Variants in APOBR observed in about 807,000 individuals in gnomAD.
The protein encoded by APOBR is apolipoprotein B receptor.
In APOBR, 57 loss-of-function variants were observed where a neutral mutation model predicts 88.5. The ratio of observed to expected loss-of-function variants is 0.64; its 90% CI spans 0.52 to 0.80. APOBR has a LOEUF of 0.80. APOBR is among the 30% of genes least tolerant of loss of function. The pLI is 0.00. For missense variants in APOBR, 1,443 were observed against 1,401.6 expected, an observed-to-expected ratio of 1.03 and a Z score of -0.47; for synonymous variants, 588 against 572.7, an observed-to-expected ratio of 1.03 and a Z score of -0.38.
Position 28,496,291 on chromosome 16 carries a change from G to GCTCTCTCT in APOBR, c.1250_1251insCTCTCTCT (p.Arg417SerfsTer4). On this transcript the variant is annotated frameshift_variant, in exon 2 of 4. Transcript: ENST00000564831. LOFTEE classifies it high-confidence loss of function. ...CTAGAGGAGGAGGGGGATGAGGAGA[G>GCTCTCTCT]AGAGGCTGAGGTGAGCCCTTTCCCC... 6.3e-7 allele frequency: 1 copy of GCTCTCTCT among 1,596,134 alleles called. No individual in the cohort carries two copies. Among genetic ancestry groups the GCTCTCTCT allele is most frequent in the Non-Finnish European group, 8.5e-7 (1 of 1,172,022 alleles).
chr16:28,497,004 G>A lies in APOBR; in HGVS notation c.1963G>A (p.Gly655Ser), dbSNP rs1268965241. ...EQREEEETAG[G>S]QTLAAEAEGD... Reference sequence around the variant, plus strand: ...GCGGGAGGAGGAGGAGACTGCGGGAGGCCAGACCCTGGCGGCTGAGGCTGA... The same window carrying A: ...GCGGGAGGAGGAGGAGACTGCGGGAAGCCAGACCCTGGCGGCTGAGGCTGA... Residue 655 changes from glycine (G) to serine (S), a missense_variant, in exon 2 of 4, where the codon GGC (glycine) becomes AGC (serine). Coordinates refer to ENST00000564831, the MANE Select transcript of APOBR (RefSeq NM_018690.4). 4 of 1,573,302 alleles carry A rather than the reference G, an allele frequency of 2.5e-6. No individual in the cohort carries two copies. Among genetic ancestry groups the A allele is most frequent in the Non-Finnish European group, 3.4e-6 (4 of 1,160,010 alleles).
intron 3 of APOBR, 30 bp downstream of exon 3, chr16:28,498,379 G>A: frequency 6.3e-7 from 1 of 1,598,664 alleles, no homozygotes. Context: ...GCTGGGGTGG[G>A]GAAGAGACCG....
Position 28,495,765 on chromosome 16 carries a change from G to A in APOBR, c.724G>A (p.Glu242Lys), listed in dbSNP as rs535892480. 38 of 1,563,342 alleles carry A rather than the reference G, an allele frequency of 2.4e-5. No individual in the cohort carries two copies. The highest frequency in any genetic ancestry group is 1.2e-4 in the Admixed American group (6 of 50,974). Residue 242 changes from glutamate (E) to lysine (K), a missense_variant, in exon 2 of 4, where the codon GAA becomes AAA. Coordinates refer to ENST00000564831, the MANE Select transcript of APOBR (RefSeq NM_018690.4). The part of the protein sequence containing the change: ...DAGETEEPGA[E>K]GAGKGEEVVV... ...AGGGGAAACTGAGGAGCCTGGGGCC[G>A]AAGGGGCTGGGAAAGGAGAAGAGGT...
In APOBR at chr16:28,496,038, G is replaced by A; in HGVS notation, c.997G>A (p.Gly333Arg). 6.3e-7 allele frequency: 1 copy of A among 1,581,330 alleles called. No homozygotes were observed. Among genetic ancestry groups the A allele is most frequent in the Non-Finnish European group, 8.6e-7 (1 of 1,163,732 alleles). The change falls in exon 2 of 4, where the codon GGA (glycine) becomes AGA (arginine). Residue 333 changes from glycine to arginine, a missense_variant. Transcript: ENST00000564831. ...CGGGGAGGAGGCCGGGACAGCCTCGGGAGGGGAGGAGGCCGGGATAGCCTC... is the reference window on the plus strand; with the variant it reads ...CGGGGAGGAGGCCGGGACAGCCTCGAGAGGGGAGGAGGCCGGGATAGCCTC... ...SGGEEAGTAS[G>R]GEEAGIASGG...
In APOBR at chr16:28,495,289, G is replaced by A; in HGVS notation, c.248G>A (p.Gly83Glu). 6.5e-7 allele frequency: 1 copy of A among 1,534,812 alleles called. No individual in the cohort carries two copies. The highest frequency in any genetic ancestry group is 8.8e-7 in the Non-Finnish European group (1 of 1,141,266). The change falls in exon 2 of 4, where the codon GGG (glycine) becomes GAG (glutamate). Residue 83 changes from glycine to glutamate, a missense_variant. Physicochemically the swap from Gly to Glu is moderately conservative, Grantham distance 98. Transcript: ENST00000564831. ...AACGAGGGGGCTGGAAGGCTGAGAG[G>A]GCCTGGAGATGACAGAAGACATGAA... Reference protein sequence around the residue: ...SQNEGAGRLRGPGDDRRHEVG... With the variant: ...SQNEGAGRLREPGDDRRHEVG...
Position 28,497,930 on chromosome 16 carries a change from C to G in APOBR, c.2889C>G (p.Val963=). Reference sequence around the variant, plus strand: ...CTGCAGAAGCTGCGCCGGAGTCAGTCGGGGAAGCCGAGACGGCTGAGGCCA... The same window carrying G: ...CTGCAGAAGCTGCGCCGGAGTCAGTGGGGGAAGCCGAGACGGCTGAGGCCA... The part of the protein sequence containing the change: ...QAPAEAAPES[V]GEAETAEAMG... Residue 963 remains valine, a synonymous_variant, in exon 2 of 4, where the codon GTC becomes GTG. Transcript: ENST00000564831. 4 of 1,613,332 alleles carry G rather than the reference C, an allele frequency of 2.5e-6. No individual in the cohort carries two copies. In the South Asian group the frequency reaches 4.4e-5, roughly 18 times the overall value.
rs774687676 is a variant in APOBR, at chr16:28,498,220, C to T, written c.3095C>T (p.Pro1032Leu). The T allele has an allele frequency of 3.1e-6, 5 of 1,607,644 alleles. No individual in the cohort carries two copies. Among genetic ancestry groups the T allele is most frequent in the Middle Eastern group, 1.7e-4 (1 of 6,058 alleles). Residue 1032 changes from proline (P) to leucine (L), a missense_variant, in exon 3 of 4, where the codon CCC becomes CTC. By Grantham distance (98) the Pro-to-Leu change is moderately conservative. Coordinates refer to ENST00000564831, the MANE Select transcript of APOBR (RefSeq NM_018690.4). ...GAGCAGCAGGAGGAGCCCCCAGCCC[C>T]CAACCCTCCTGAGGAGGAGCTGTCA... Reference protein sequence around the residue: ...AWEQQEEPPAPNPPEEELSAP... With the variant: ...AWEQQEEPPALNPPEEELSAP...
At position 28,497,965 on chromosome 16, in the gene APOBR, C is replaced by T; in HGVS notation, c.2924C>T (p.Ala975Val). The change falls in exon 2 of 4, where the codon GCC (alanine) becomes GTC (valine). Residue 975 changes from alanine to valine, a missense_variant. Coordinates refer to ENST00000564831, the MANE Select transcript of APOBR (RefSeq NM_018690.4). ...EAETAEAMGS[A>V]RGGAANSWSE... ...GAGACGGCTGAGGCCATGGGCAGTG[C>T]CAGAGGAGGTGCTGCCAACAGCTGG... The T allele has an allele frequency of 6.2e-7, 1 of 1,606,660 alleles. No homozygotes were observed. The highest frequency in any genetic ancestry group is 8.5e-7 in the Non-Finnish European group (1 of 1,175,966).
Position 28,496,074 on chromosome 16 carries a change from G to T in APOBR, c.1033G>T (p.Ala345Ser). The T allele has an allele frequency of 6.5e-7, 1 of 1,545,812 alleles. No homozygotes were observed. The highest frequency in any genetic ancestry group is 8.7e-7 in the Non-Finnish European group (1 of 1,146,208). Residue 345 changes from alanine (A) to serine (S), a missense_variant, in exon 2 of 4, where the codon GCT becomes TCT. Transcript: ENST00000564831. ...GGCCGGGATAGCCTCAGGCGGGGAG[G>T]CTGGGACAGCCTCAGGAGGGGAGGA... ...EEAGIASGGEAGTASGGEEAG... is the reference protein window; with the variant it reads ...EEAGIASGGESGTASGGEEAG...
In APOBR at chr16:28,498,195, G is replaced by A. The variant is rs2046409040; in HGVS notation, c.3070G>A (p.Glu1024Lys). Residue 1024 changes from glutamate to lysine, a missense_variant, in exon 3 of 4, where the codon GAG (glutamate) becomes AAG (lysine). Physicochemically the swap from Glu to Lys is moderately conservative, Grantham distance 56. Transcript: ENST00000564831. Reference sequence around the variant, plus strand: ...CTCTTTTCGTCGGACTCCGGCCTGGGAGCAGCAGGAGGAGCCCCCAGCCCC... The same window carrying A: ...CTCTTTTCGTCGGACTCCGGCCTGGAAGCAGCAGGAGGAGCCCCCAGCCCC... ...RPSFRRTPAW[E>K]QQEEPPAPNP... 1.9e-6 allele frequency: 3 copies of A among 1,604,896 alleles called. No homozygotes were observed. The South Asian group carries it at 3.3e-5, about 18-fold the overall frequency.
chr16:28,497,939 C>G lies in APOBR; in HGVS notation c.2898C>G (p.Ala966=), dbSNP rs376347901. ...CTGCGCCGGAGTCAGTCGGGGAAGC[C>G]GAGACGGCTGAGGCCATGGGCAGTG... is the stretch of plus-strand genomic sequence containing the variant. ...AEAAPESVGE[A]ETAEAMGSAR... Residue 966 remains alanine, a synonymous_variant, in exon 2 of 4, where the codon GCC becomes GCG. Coordinates refer to ENST00000564831, the MANE Select transcript of APOBR (RefSeq NM_018690.4). The G allele has an allele frequency of 1.9e-6, 3 of 1,613,058 alleles. No homozygotes were observed. The highest frequency in any genetic ancestry group is 1.7e-5 in the Admixed American group (1 of 59,916).
Position 28,498,581 on chromosome 16 carries a change from C to A in APOBR, c.*76C>A. The A allele has an allele frequency of 1.4e-6, 2 of 1,478,172 alleles. No homozygotes were observed. The highest frequency in any genetic ancestry group is 1.8e-6 in the Non-Finnish European group (2 of 1,095,680). The allele number at this position is 1,478,172 out of a possible 1,614,324, so 91.6% of individuals were successfully genotyped here. ...TGCTCCAATGCCACTGAGCCCTGCT[C>A]CCTCTGCCACTGTGGACACATCCTC... is the stretch of plus-strand genomic sequence containing the variant. On this transcript the variant is annotated 3_prime_UTR_variant, in exon 4 of 4. Transcript: ENST00000564831.
Position 28,495,313 on chromosome 16 carries a change from A to G in APOBR, c.272A>G (p.Glu91Gly), listed in dbSNP as rs867301865. The G allele has an allele frequency of 6.5e-7, 1 of 1,542,934 alleles. No individual in the cohort carries two copies. Among genetic ancestry groups the G allele is most frequent in the Non-Finnish European group, 8.7e-7 (1 of 1,145,002 alleles). Residue 91 changes from glutamate to glycine, a missense_variant, in exon 2 of 4, where the codon GAA (glutamate) becomes GGA (glycine). Coordinates refer to ENST00000564831, the MANE Select transcript of APOBR (RefSeq NM_018690.4). ...LRGPGDDRRH[E>G]VGSSAVEQTW... The stretch of plus-strand genomic sequence containing the variant: ...GGGCCTGGAGATGACAGAAGACATG[A>G]AGTGGGGAGCTCAGCTGTAGAACAG...
rs374329624 is a variant in APOBR at position 28,497,097 on chromosome 16, G to T, written c.2056G>T (p.Ala686Ser). The change falls in exon 2 of 4, where the codon GCG (alanine) becomes TCG (serine). Residue 686 changes from alanine to serine, a missense_variant. Physicochemically the swap from Ala to Ser is moderately conservative, Grantham distance 99 (BLOSUM62 1). Coordinates refer to ENST00000564831, the MANE Select transcript of APOBR (RefSeq NM_018690.4). ...AGGEGLTTQD[A>S]GCGTEEGEAS... ...CGGGGAGGGGCTGACAACCCAGGAC[G>T]CGGGATGTGGAACTGAGGAGGGAGA... is the stretch of plus-strand genomic sequence containing the variant. 3.1e-6 allele frequency: 5 copies of T among 1,600,506 alleles called. No homozygotes were observed.
In APOBR at chr16:28,497,801, G is replaced by C. The variant is rs769950223; in HGVS notation, c.2760G>C (p.Glu920Asp). The C allele has an allele frequency of 1.2e-6, 2 of 1,605,746 alleles. No individual in the cohort carries two copies. Among genetic ancestry groups the C allele is most frequent in the African/African-American group, 2.7e-5 (2 of 74,810 alleles). The change falls in exon 2 of 4, where the codon GAG (glutamate) becomes GAC (aspartate). Residue 920 changes from glutamate to aspartate, a missense_variant. Physicochemically the swap from Glu to Asp is conservative, Grantham distance 45. Coordinates refer to ENST00000564831, the MANE Select transcript of APOBR (RefSeq NM_018690.4). The stretch of plus-strand genomic sequence containing the variant: ...AGGCACCAAGGCTCCTTGATGCAGA[G>C]GGTCTCATGGTGACCGGGGGCCGGA... ...EGEAPRLLDAEGLMVTGGRRA... is the reference protein window; with the variant it reads ...EGEAPRLLDADGLMVTGGRRA...
In APOBR at chr16:28,497,612, C is replaced by T. The variant is rs1394411353; in HGVS notation, c.2571C>T (p.Pro857=). ...AGAEDSCGLD[P]AGSQTARAEG... ...CAGAGGACAGCTGTGGGCTGGATCCCGCGGGCTCCCAGACAGCGAGGGCAG... is the reference window on the plus strand; with the variant it reads ...CAGAGGACAGCTGTGGGCTGGATCCTGCGGGCTCCCAGACAGCGAGGGCAG... Residue 857 remains proline (P), a synonymous_variant, in exon 2 of 4, where the codon CCC becomes CCT. Transcript: ENST00000564831. 5.0e-6 allele frequency: 8 copies of T among 1,605,024 alleles called. No homozygotes were observed. The highest frequency in any genetic ancestry group is 1.7e-4 in the Middle Eastern group (1 of 6,038).
Position 28,498,442 on chromosome 16 carries a change from C to T in APOBR, c.3231C>T (p.Gly1077=), listed in dbSNP as rs1448756432. ...GCCTGACTTCCGCCTCCAGGTTTGG[C>T]CTCGCGCACCCTGGCATGATGCAGG... ...ARRRPLGHGF[G]LAHPGMMQEL... The change falls in exon 4 of 4, where the codon GGC becomes GGT. Residue 1077 remains glycine (G), a synonymous_variant. Coordinates refer to ENST00000564831, the MANE Select transcript of APOBR (RefSeq NM_018690.4). 3.1e-6 allele frequency: 5 copies of T among 1,600,844 alleles called. No homozygotes were observed. In the East Asian group the frequency reaches 1.1e-4, roughly 36 times the overall value.
Position 28,494,696 on chromosome 16 carries a change from G to A in APOBR, c.15G>A (p.Arg5=). 1.2e-6 allele frequency: 2 copies of A among 1,612,514 alleles called. No individual in the cohort carries two copies. The highest frequency in any genetic ancestry group is 1.7e-5 in the Admixed American group (1 of 59,818). ...AGACAGACAGGATGGACTTCCTCCG[G>A]CTATACCTCCCTGGGCTGCACCAGG... is the stretch of plus-strand genomic sequence containing the variant. MDFL[R]LYLPGLHQAL... The change falls in exon 1 of 4, where the codon CGG becomes CGA. Residue 5 remains arginine, a synonymous_variant. Coordinates refer to ENST00000564831, the MANE Select transcript of APOBR (RefSeq NM_018690.4).
chr16:28,495,160 A>G lies in APOBR; in HGVS notation c.119A>G (p.Glu40Gly). The change falls in exon 2 of 4, where the codon GAG becomes GGG. Residue 40 changes from glutamate to glycine, a missense_variant. Physicochemically the swap from Glu to Gly is moderately conservative, Grantham distance 98 (BLOSUM62 -2). Coordinates refer to ENST00000564831, the MANE Select transcript of APOBR (RefSeq NM_018690.4). ...LGDAVPTVER[E>G]AQAAEELGVV... ...GATGCAGTCCCCACTGTAGAGCGGGAGGCGCAGGCGGCTGAGGAACTGGGG... is the reference window on the plus strand; with the variant it reads ...GATGCAGTCCCCACTGTAGAGCGGGGGGCGCAGGCGGCTGAGGAACTGGGG... The G allele has an allele frequency of 1.9e-6, 3 of 1,567,696 alleles. No individual in the cohort carries two copies. The highest frequency in any genetic ancestry group is 2.6e-6 in the Non-Finnish European group (3 of 1,159,520).
Sources: gnomAD v4.1 joint callset for allele counts on GRCh38, gnomAD v4.1.1 for gene constraint, MANE v1.5 for transcripts, NCBI Gene and HGNC (gene_info 2026-07-23, HGNC 2026-07-21) for gene names.